Variants in LMF1 observed in about 807,000 individuals in gnomAD.
LMF1 encodes the protein lipase maturation factor 1, also known as transmembrane protein 112.
A neutral mutation model predicts 60.6 loss-of-function variants in LMF1; 68 were observed. The ratio of observed to expected loss-of-function variants is 1.12; its 90% CI spans 0.92 to 1.37. The LOEUF (loss-of-function observed/expected upper bound fraction) is 1.37. Ranked by LOEUF, LMF1 falls within the 40% of genes most tolerant of loss-of-function variation. The probability of loss-of-function intolerance (pLI) is 0.00; values close to 1 mark genes in which losing one functional copy is unlikely to be tolerated. For synonymous variants in LMF1, 418 were observed against 324.7 expected (o/e 1.29, Z -3.09); for missense variants, 948 against 767.2 (o/e 1.24, Z -2.78).
intron 3 of LMF1, among the ~76,000 whole-genome samples, chr16:919,611 A>C (rs1435231705): frequency 6.6e-6 from 1 of 152,196 alleles, no homozygotes; most frequent in Admixed American, 6.5e-5. Context: ...TCTGGACCGC[A>C]GTCTCATGTG....
At chr16:908,756 T>A (rs2071031862) in intron 4 of LMF1, among the ~76,000 whole-genome samples, 1 of 152,200 alleles carries the variant, frequency 6.6e-6, no homozygotes, top group African/African-American at 2.4e-5. Flanking sequence ...AGTGAGGACC[T>A]AGAGTAAGCA....
chr16:971,015 A>ATTCTCGGAGGCCCCGCCCC (rs2073040901), upstream of LMF1: 1 of 609,128 alleles, frequency 1.6e-6, no homozygotes, highest in Non-Finnish European at 2.0e-6. Context: ...GGCCCCGCCC[A>ATTCTCGGAGGCCCCGCCCC]TTCTCGGAGG....
rs534129745 is a variant in LMF1, at chr16:884,009, G to A, written c.730-4272C>T. On this transcript the variant is annotated intron_variant, in intron 5 of 10. Transcript: ENST00000262301. ...ATGGATTTGTCTATGTCTGCTTACAGTTCTATCCATTTTTGCTTCATGTCT... is the reference window on the plus strand; with the variant it reads ...ATGGATTTGTCTATGTCTGCTTACAATTCTATCCATTTTTGCTTCATGTCT... 2.6e-5 allele frequency: 4 copies of A among 152,274 alleles called. No homozygotes were observed. The South Asian group carries it at 8.3e-4, about 32-fold the overall frequency. The allele number at this position is 152,274 out of a possible 1,614,324, so 9.4% of individuals were successfully genotyped here. A position where few individuals can be genotyped will look rare whatever the true frequency, so the allele number is the denominator to read the frequency against.
At chr16:940,845 CTTTT>C (rs890428703) in intron 2 of LMF1, among the ~76,000 whole-genome samples, 5 of 152,160 alleles carry the variant, frequency 3.3e-5, no homozygotes, top group African/African-American at 7.2e-5. Flanking sequence ...TCTATGTCTT[CTTTT>C]TTTTGTTTGT....
Position 970,823 on chromosome 16 carries a change from CG to C in LMF1, c.157del (p.Arg53GlyfsTer5), listed in dbSNP as rs1780924305. On this transcript the variant is annotated frameshift_variant, in exon 1 of 11. Transcript: ENST00000262301. LOFTEE classifies it high-confidence loss of function. The stretch of plus-strand genomic sequence containing the variant: ...GGCTAGGGCCTTCAGGAGCACGATC[CG>C]GGTCAGCCAGAAGGTGCCCGTGTGG... Reference protein sequence around the residue: ...HLHTGTFWLTRIVLLKALAFV... With the variant: ...HLHTGTFWLTXIVLLKALAFV... 3.9e-6 allele frequency: 6 copies of C among 1,545,570 alleles called. No homozygotes were observed. The highest frequency in any genetic ancestry group is 1.2e-5 in the South Asian group (1 of 83,016).
chr16:939,852 A>G (rs764995839), intron 2 of LMF1, among the ~76,000 whole-genome samples: 21 of 152,190 alleles, frequency 1.4e-4, no homozygotes, highest in Non-Finnish European at 1.9e-4. Flanking sequence ...TATTAGAGAG[A>G]AGCCCTGGGC....
chr16:860,025 C>G (rs948491525), intron 10 of LMF1, among the ~76,000 whole-genome samples: 1 of 151,512 alleles, frequency 6.6e-6, no homozygotes, highest in Non-Finnish European at 1.5e-5. Flanking sequence ...AGGCATTTCT[C>G]CTGAGCTTAT....
intron 2 of LMF1, among the ~76,000 whole-genome samples, chr16:934,889 C>G (rs1158872762): frequency 1.3e-5 from 2 of 152,204 alleles, no homozygotes; most frequent in Non-Finnish European, 2.9e-5. Context: ...CAAGACCTAC[C>G]CTTGGGCTCT....
In LMF1 at chr16:970,864, G is replaced by T. The variant is rs373824481; in HGVS notation, c.117C>A (p.Gly39=). 3.0e-4 allele frequency: 473 copies of T among 1,562,982 alleles called. No homozygotes were observed. In the African/African-American group the frequency reaches 6.0e-3, roughly 20 times the overall value. ...SPPAPGRGPA[G]SPAHLHTGTF... ...TGCCCGTGTGGAGATGGGCCGGAGA[G>T]CCTGCGGGGCCACGCCCCGGCGCGG... Residue 39 remains glycine, a synonymous_variant, in exon 1 of 11, where the codon GGC becomes GGA. Transcript: ENST00000262301.
chr16:928,180 C>T lies in LMF1; in HGVS notation c.514+6064G>A, dbSNP rs548126151. Among the ~76,000 whole-genome samples, 6 of 152,340 alleles carry T rather than the reference C, an allele frequency of 3.9e-5. No homozygotes were observed. In the East Asian group the frequency reaches 9.7e-4, roughly 25 times the overall value. On this transcript the variant is annotated intron_variant, in intron 3 of 10. Transcript: ENST00000262301. ...CCCGTTGCTGCTGAGATTCATTCCTCGCACCCGCTACGTGGATGGGCCCCC... is the reference window on the plus strand; with the variant it reads ...CCCGTTGCTGCTGAGATTCATTCCTTGCACCCGCTACGTGGATGGGCCCCC...
intron 1 of LMF1, among the ~76,000 whole-genome samples, chr16:977,500 GTGCCAGGACGC>G (rs1235148022): frequency 6.6e-6 from 1 of 152,196 alleles, no homozygotes; most frequent in Non-Finnish European, 1.5e-5. Context: ...CTCCCAGGCC[GTGCCAGGACGC>G]TGCCAACTGC....
At chr16:872,932 A>C (rs1347027212) in intron 6 of LMF1, 4 of 152,274 alleles carry the variant, frequency 2.6e-5, no homozygotes, top group African/African-American at 7.2e-5. Context: ...TGCCTGGGTC[A>C]GGGTGGGCCC....
Position 856,896 on chromosome 16 carries a change from G to A in LMF1, c.1530-2190C>T, listed in dbSNP as rs61235239. Among the ~76,000 whole-genome samples, 417 of 152,354 alleles carry A rather than the reference G, an allele frequency of 2.7e-3. 2 individuals are homozygous for A. Among genetic ancestry groups the A allele is most frequent in the African/African-American group, 9.6e-3 (398 of 41,572 alleles). On this transcript the variant is annotated intron_variant, in intron 10 of 10. Transcript: ENST00000262301. ...CAGCTATAGTAGGGATTGCAGCCAG[G>A]GCCTGACACTGAGGCCACAGACACG...
At chr16:904,394 T>C (rs377127046) in intron 4 of LMF1, among the ~76,000 whole-genome samples, 3 of 99,702 alleles carry the variant, frequency 3.0e-5, no homozygotes, top group Admixed American at 1.1e-4. Context: ...GACCTCTGCA[T>C]CGCCCACAGG....
At chr16:978,836 C>T (rs1438390004) in intron 1 of LMF1, among the ~76,000 whole-genome samples, 2 of 151,994 alleles carry the variant, frequency 1.3e-5, no homozygotes, top group Non-Finnish European at 2.9e-5. Flanking sequence ...TGATGGCTGC[C>T]CCTCCACTCT....
chr16:856,002 C>T (rs754161566), intron 10 of LMF1: 7 of 455,618 alleles, frequency 1.5e-5, no homozygotes, highest in South Asian at 1.1e-4. Context: ...TGAATTACGC[C>T]AGGAAAACCG....
At chr16:864,816 T>C (rs548045216) in intron 10 of LMF1, among the ~76,000 whole-genome samples, 6 of 151,590 alleles carry the variant, frequency 4.0e-5, no homozygotes, top group Admixed American at 3.9e-4. Context: ...GTAAAGAGGG[T>C]TTTGCCATGA....
intron 1 of LMF1, among the ~76,000 whole-genome samples, chr16:958,827 G>C (rs1038995183): frequency 1.3e-5 from 2 of 152,066 alleles, no homozygotes; most frequent in East Asian, 3.9e-4. Flanking sequence ...GCGGAGGTTG[G>C]AGTGAGCCGA....
chr16:875,933 C>T (rs2069959365), intron 6 of LMF1, among the ~76,000 whole-genome samples: 2 of 152,186 alleles, frequency 1.3e-5, no homozygotes, highest in South Asian at 2.1e-4. Flanking sequence ...GCTCAGGAGT[C>T]ACCCGTGTGT....
Sources: gnomAD v4.1 joint callset for allele counts (sites outside exome capture counted in the v4.1 genomes callset) on GRCh38, gnomAD v4.1.1 for gene constraint, MANE v1.5 for transcripts, NCBI Gene and HGNC (gene_info 2026-07-23, HGNC 2026-07-21) for gene names.